Variants in CEP192 observed in about 807,000 individuals in gnomAD.
CEP192 encodes centrosomal protein of 192 kDa.
In CEP192, 151 loss-of-function variants were observed where a neutral mutation model predicts 271.8. The ratio of observed to expected loss-of-function variants is 0.56; its 90% CI spans 0.49 to 0.64. CEP192 has a LOEUF of 0.64. Ranked by LOEUF, CEP192 falls within the 30% of genes least tolerant of loss-of-function variation. CEP192 has a pLI of 0.00. For missense variants in CEP192, 2,910 were observed against 3,020.5 expected (o/e 0.96, Z 0.86); for synonymous variants, 995 against 1,076.5 (o/e 0.92, Z 1.48).
chr18:13,040,809 T>G, intron 13 of CEP192, 21 bp from the exon 14 acceptor site: 1 of 1,553,494 alleles, frequency 6.4e-7, no homozygotes, highest in South Asian at 1.2e-5. Flanking sequence ...AAGAAATAAT[T>G]TACCTTTAAT....
chr18:13,033,969 T>G (rs1273672434), intron 11 of CEP192, among the ~76,000 whole-genome samples: 2 of 152,196 alleles, frequency 1.3e-5, no homozygotes, highest in African/African-American at 2.4e-5. Context: ...CAGAAATATT[T>G]TAGCTGTTGG....
rs1291771716 is a variant in CEP192, at chr18:13,103,608, G to C, written c.6951+20G>C. On this transcript the variant is annotated intron_variant, in intron 39 of 44. Coordinates refer to ENST00000506447, the MANE Select transcript of CEP192 (RefSeq NM_032142.4). The stretch of plus-strand genomic sequence containing the variant: ...GTCAAGGTCAGTCATGACTGCCTCA[G>C]ATATAATCGTTTTAATGTTTAGACT... 2 of 1,568,764 alleles carry C rather than the reference G, an allele frequency of 1.3e-6. No individual in the cohort carries two copies. Among genetic ancestry groups the C allele is most frequent in the Non-Finnish European group, 8.8e-7 (1 of 1,138,820 alleles).
At chr18:13,068,450 G>A in intron 24 of CEP192, 28 bp downstream of exon 24, 1 of 1,523,582 alleles carries the variant, frequency 6.6e-7, no homozygotes. Flanking sequence ...TGTGGGAATT[G>A]CTTTAATCTG....
At chr18:12,999,250 A>G (rs1280748061) in intron 1 of CEP192, among the ~76,000 whole-genome samples, 171 bp from the exon 2 acceptor site, 1 of 152,208 alleles carries the variant, frequency 6.6e-6, no homozygotes, top group Admixed American at 6.5e-5. Flanking sequence ...TAAAGTAGCA[A>G]AGTATTCTGA....
At chr18:13,099,811 T>G (rs756791316) in intron 37 of CEP192, among the ~76,000 whole-genome samples, 9 of 152,222 alleles carry the variant, frequency 5.9e-5, no homozygotes, top group Non-Finnish European at 1.0e-4. Context: ...GCATTTACAC[T>G]GCATTAGCTA....
At chr18:13,088,513 A>G (rs2038997970) in intron 32 of CEP192, among the ~76,000 whole-genome samples, 1 of 152,162 alleles carries the variant, frequency 6.6e-6, no homozygotes, top group South Asian at 2.1e-4. Flanking sequence ...AAAATTTAGG[A>G]TGTTGATTTA....
intron 17 of CEP192, 94 bp from the exon 18 acceptor site, chr18:13,052,825 T>C: frequency 1.1e-6 from 1 of 892,288 alleles, no homozygotes; most frequent in Non-Finnish European, 1.6e-6. Flanking sequence ...GTTGAGTCAT[T>C]TGCAAGATTG....
At chr18:13,079,645 A>T (rs144649858) in intron 30 of CEP192, among the ~76,000 whole-genome samples, 2,199 of 152,050 alleles carry the variant, frequency 0.014, 57 homozygotes, top group African/African-American at 0.047. Flanking sequence ...GTTTAATTAG[A>T]TCCCATTTGT....
chr18:13,124,627 T>C lies in CEP192; in HGVS notation c.7476-5T>C. 6.2e-7 allele frequency: 1 copy of C among 1,609,440 alleles called. No homozygotes were observed. On this transcript the variant is annotated splice_region_variant and splice_polypyrimidine_tract_variant and intron_variant, in intron 44 of 44. Coordinates refer to ENST00000506447, the MANE Select transcript of CEP192 (RefSeq NM_032142.4). ...TGCTGCTGTCATGTGCCTCTCTCTT[T>C]CCAGAGCCCAGCATTACATCAACAT...
At chr18:13,015,172 CAT>C (rs1157079440) in intron 5 of CEP192, among the ~76,000 whole-genome samples, 154 bp from the exon 6 acceptor site, 1 of 152,212 alleles carries the variant, frequency 6.6e-6, no homozygotes, top group Middle Eastern at 3.2e-3. Flanking sequence ...GTTATTAATA[CAT>C]GTACAATTGC....
chr18:13,076,238 CT>C (rs1320706948), intron 30 of CEP192, among the ~76,000 whole-genome samples: 4 of 151,894 alleles, frequency 2.6e-5, no homozygotes, highest in African/African-American at 7.3e-5. Flanking sequence ...TTTTTCTTTT[CT>C]TTTTTTTGAG....
chr18:13,028,944 T>G (rs770560203), intron 9 of CEP192, among the ~76,000 whole-genome samples: 1 of 152,374 alleles, frequency 6.6e-6, no homozygotes, highest in Admixed American at 6.5e-5. Context: ...CTCCTTTTAG[T>G]GTTGTAACTT....
intron 12 of CEP192, among the ~76,000 whole-genome samples, chr18:13,038,094 C>T (rs1000019073): frequency 6.6e-6 from 1 of 152,142 alleles, no homozygotes; most frequent in African/African-American, 2.4e-5. Context: ...CCATCTTGGC[C>T]TCCCAGGTAG....
intron 44 of CEP192, among the ~76,000 whole-genome samples, chr18:13,121,876 G>C (rs550147831): frequency 7.9e-5 from 12 of 152,354 alleles, no homozygotes; most frequent in South Asian, 6.2e-4. Context: ...TTGAGCTGCA[G>C]TGACTTCTCA....
intron 43 of CEP192, among the ~76,000 whole-genome samples, chr18:13,117,381 T>C (rs561000004): frequency 9.5e-4 from 145 of 152,322 alleles, no homozygotes; most frequent in African/African-American, 3.3e-3. Flanking sequence ...GGACAACCTT[T>C]ACTTTAGTTA....
At chr18:13,009,014 GT>G (rs10586819) in intron 4 of CEP192, among the ~76,000 whole-genome samples, 5,838 of 120,240 alleles carry the variant, frequency 0.049, 137 homozygotes, top group East Asian at 0.14. Flanking sequence ...TGGCCTTTTT[GT>G]TTTTTTTTTT....
In CEP192 at chr18:13,071,065, T is replaced by C; in HGVS notation, c.5201T>C (p.Phe1734Ser). The stretch of plus-strand genomic sequence containing the variant: ...ATCTTGAAAATATTTGTGCAGCCAT[T>C]TGGACCTCAGTATGAGGTAGTGTTA... ...ERILKIFVQP[F>S]GPQYEVVLKG... Residue 1734 changes from phenylalanine to serine, a missense_variant, in exon 28 of 45, where the codon TTT (phenylalanine) becomes TCT (serine). Physicochemically the swap from Phe to Ser is radical, Grantham distance 155. Coordinates refer to ENST00000506447, the MANE Select transcript of CEP192 (RefSeq NM_032142.4). 1 of 1,613,828 alleles carries C rather than the reference T, an allele frequency of 6.2e-7. No individual in the cohort carries two copies.
chr18:13,003,405 C>T (rs1163889243), intron 3 of CEP192, among the ~76,000 whole-genome samples: 20 of 144,910 alleles, frequency 1.4e-4, no homozygotes, highest in Admixed American at 1.1e-3. Context: ...GCCGAGATCA[C>T]GCCACTGCAC....
chr18:13,008,702 ATTT>A (rs796795541), intron 4 of CEP192, 71 bp downstream of exon 4: 6,367 of 919,768 alleles, frequency 6.9e-3, no homozygotes, highest in South Asian at 1.0e-2. Flanking sequence ...TTATCTTTGG[ATTT>A]TTTTTTTTTT....
Sources: allele counts gnomAD v4.1 joint callset (sites outside exome capture counted in the v4.1 genomes callset), GRCh38; gene constraint gnomAD v4.1.1; transcripts MANE v1.5; gene names NCBI Gene and HGNC (gene_info 2026-07-23, HGNC 2026-07-21).